The following RABGAP1L variants were observed in gnomAD, a reference collection of about 807,000 sequenced individuals.
RABGAP1L encodes RAB GTPase activating protein 1 like.
RABGAP1L carries 63 observed loss-of-function variants against 137.7 expected under a neutral mutation model. The observed-to-expected ratio is 0.46, with a 90% confidence interval of 0.37 to 0.56. The LOEUF is 0.56. Among genes scored for constraint, RABGAP1L ranks in the 20% least tolerant of loss-of-function variants. RABGAP1L has a pLI of 0.00. For missense variants in RABGAP1L, 1,095 were observed against 1,244.0 expected (o/e 0.88, Z 1.80); for synonymous variants, 431 against 433.7 (o/e 0.99, Z 0.08).
At chr1:174,838,988 G>C (rs953555893) in intron 19 of RABGAP1L, among the ~76,000 whole-genome samples, 1 of 117,310 alleles carries the variant, frequency 8.5e-6, no homozygotes, top group Admixed American at 9.9e-5. Context: ...GAATAAGCAA[G>C]AGTGACAAGT....
Position 174,370,116 on chromosome 1 carries a change from T to C in RABGAP1L, c.1466-863T>C, listed in dbSNP as rs1684983243. Among the ~76,000 whole-genome samples, 9 of 152,306 alleles carry C rather than the reference T, an allele frequency of 5.9e-5. No homozygotes were observed. The South Asian group carries it at 1.9e-3, about 32-fold the overall frequency. ...GGAGCCACTAAATGCCAATCCCTCT[T>C]ATACTGTCACAGTGTTGATAAAACT... On this transcript the variant is annotated intron_variant, in intron 11 of 25. Transcript: ENST00000681986.
chr1:174,785,252 C>T (rs756014619), intron 18 of RABGAP1L, among the ~76,000 whole-genome samples: 1 of 152,022 alleles, frequency 6.6e-6, no homozygotes, highest in Non-Finnish European at 1.5e-5. Flanking sequence ...TTAGTAGAGA[C>T]AGGGTTTCAC....
Position 174,900,110 on chromosome 1 carries a change from A to G in RABGAP1L, c.2341-57347A>G, listed in dbSNP as rs903925747. ...CCAGAAAATTAGTGAATTCCTCTGA[A>G]TGCCCATAGGTATTCTAGTAAATTA... On this transcript the variant is annotated intron_variant, in intron 19 of 25. Transcript: ENST00000681986. Among the ~76,000 whole-genome samples, 9 of 152,364 alleles carry G rather than the reference A, an allele frequency of 5.9e-5. No individual in the cohort carries two copies. The East Asian group carries it at 1.7e-3, about 29-fold the overall frequency.
Position 174,874,221 on chromosome 1 carries a change from T to TTTCTATCAAATAAACCTATTTGATATC in RABGAP1L, c.2340+62287_2340+62313dup, listed in dbSNP as rs72100451. The stretch of plus-strand genomic sequence containing the variant: ...CGATAGGTTCTATCAAATAAACCTA[T>TTTCTATCAAATAAACCTATTTGATATC]TTCTATCAAATAAACCTATTTGATA... On this transcript the variant is annotated intron_variant, in intron 19 of 25. Coordinates refer to ENST00000681986, the MANE Select transcript of RABGAP1L (RefSeq NM_001366446.1). Among the ~76,000 whole-genome samples, 482 of 148,636 alleles carry TTTCTATCAAATAAACCTATTTGATATC rather than the reference T, an allele frequency of 3.2e-3. 3 individuals carry two copies. The highest frequency in any genetic ancestry group is 6.7e-3 in the South Asian group (32 of 4,800).
At chr1:174,570,520 G>T (rs990854476) in intron 13 of RABGAP1L, among the ~76,000 whole-genome samples, 2 of 152,082 alleles carry the variant, frequency 1.3e-5, no homozygotes, top group African/African-American at 2.4e-5. Context: ...CTGCTGGAGA[G>T]GGGAAGAGGG....
At chr1:174,165,813 T>C (rs1664864532) in intron 1 of RABGAP1L, among the ~76,000 whole-genome samples, 1 of 152,128 alleles carries the variant, frequency 6.6e-6, no homozygotes. Context: ...AACTATGCTT[T>C]GAAGAATGGG....
intron 19 of RABGAP1L, among the ~76,000 whole-genome samples, chr1:174,947,181 G>A (rs1667016946): frequency 6.7e-6 from 1 of 148,540 alleles, no homozygotes; most frequent in South Asian, 2.1e-4. Context: ...GGCAGAGAAA[G>A]TTTTCAAATG....
intron 10 of RABGAP1L, among the ~76,000 whole-genome samples, chr1:174,289,048 G>A (rs1676335815): frequency 1.3e-5 from 2 of 151,920 alleles, no homozygotes; most frequent in Admixed American, 1.3e-4. Context: ...ATGATTTTTT[G>A]TAAAGAGGGT....
intron 18 of RABGAP1L, among the ~76,000 whole-genome samples, chr1:174,765,508 C>T (rs1236478928): frequency 6.6e-6 from 1 of 152,100 alleles, no homozygotes; most frequent in Non-Finnish European, 1.5e-5. Context: ...AATCATGGCT[C>T]ACTGCAGTTT....
intron 21 of RABGAP1L, 159 bp from the exon 22 acceptor site, chr1:174,975,919 G>C: frequency 3.3e-6 from 2 of 613,754 alleles, no homozygotes; most frequent in Admixed American, 5.7e-5. Context: ...TTGGCATTCA[G>C]TGAAAGCAGC....
chr1:174,502,632 A>ATG (rs1302595499), intron 13 of RABGAP1L, among the ~76,000 whole-genome samples: 1 of 137,152 alleles, frequency 7.3e-6, no homozygotes, highest in Non-Finnish European at 1.6e-5. Context: ...GTACATATAT[A>ATG]TGTGTGTATA....
intron 9 of RABGAP1L, 95 bp downstream of exon 9, chr1:174,276,030 A>G: frequency 1.2e-6 from 1 of 854,092 alleles, no homozygotes; most frequent in African/African-American, 1.7e-5. Flanking sequence ...TGGAACTCAA[A>G]GTGGACTTAT....
At chr1:174,724,685 C>T (rs1456854591) in intron 17 of RABGAP1L, among the ~76,000 whole-genome samples, 1 of 152,050 alleles carries the variant, frequency 6.6e-6, no homozygotes, top group East Asian at 1.9e-4. Flanking sequence ...ATAGAACAGA[C>T]GTTGTCTTTG....
chr1:174,708,759 GTTTGTTTTGTTTTGT>G (rs757821215), intron 17 of RABGAP1L, among the ~76,000 whole-genome samples: 2 of 152,062 alleles, frequency 1.3e-5, no homozygotes, highest in Admixed American at 6.5e-5. Flanking sequence ...GTTTTTGTTT[GTTTGTTTTGTTTTGT>G]TTTGTTTTGT....
At chr1:174,833,414 G>GTATATATA (rs1692343834) in intron 19 of RABGAP1L, among the ~76,000 whole-genome samples, 1 of 97,116 alleles carries the variant, frequency 1.0e-5, no homozygotes, top group African/African-American at 3.1e-5. Flanking sequence ...GTGTGTATGT[G>GTATATATA]TGTGTGTGTA....
chr1:174,848,570 A>G (rs1470465211), intron 19 of RABGAP1L, among the ~76,000 whole-genome samples: 1 of 147,992 alleles, frequency 6.8e-6, no homozygotes, highest in Admixed American at 6.7e-5. Context: ...CCACTTGAGG[A>G]GGCAGTCTGC....
chr1:174,251,020 C>T (rs536034608), intron 6 of RABGAP1L, among the ~76,000 whole-genome samples: 18 of 152,326 alleles, frequency 1.2e-4, no homozygotes, highest in African/African-American at 3.1e-4. Context: ...AGGCTTGTCT[C>T]GAACTCCTGA....
intron 11 of RABGAP1L, among the ~76,000 whole-genome samples, chr1:174,353,057 A>G (rs1683330566): frequency 6.6e-6 from 1 of 152,188 alleles, no homozygotes; most frequent in Non-Finnish European, 1.5e-5. Context: ...GATCTCATCC[A>G]TGGCCTGTGG....
chr1:174,304,441 C>A (rs1451934174), intron 10 of RABGAP1L, among the ~76,000 whole-genome samples: 1 of 151,280 alleles, frequency 6.6e-6, no homozygotes, highest in East Asian at 1.9e-4. Flanking sequence ...ATTTGATTAG[C>A]AAATTAAATC....
Sources: gnomAD v4.1 joint callset for allele counts (sites outside exome capture counted in the v4.1 genomes callset) on GRCh38, gnomAD v4.1.1 for gene constraint, MANE v1.5 for transcripts, NCBI Gene and HGNC (gene_info 2026-07-23, HGNC 2026-07-21) for gene names.